Variants in POC1B observed in about 807,000 individuals in gnomAD.
POC1B encodes POC1 centriolar protein homolog B.
POC1B carries 44 observed loss-of-function variants against 60.6 expected under a neutral mutation model. That is an observed-to-expected ratio of 0.73 (90% confidence interval 0.57 to 0.93). POC1B has a LOEUF of 0.93. Ranked by LOEUF, POC1B falls within the 40% of genes least tolerant of loss-of-function variation. The pLI, the probability that POC1B is intolerant of heterozygous loss-of-function variation, is 0.00. For missense variants in POC1B, 555 were observed against 572.3 expected (o/e 0.97, Z 0.31); for synonymous variants, 180 against 198.9 (o/e 0.90, Z 0.80).
intron 11 of POC1B, among the ~76,000 whole-genome samples, chr12:89,423,246 G>A (rs765861362): frequency 1.3e-5 from 2 of 152,136 alleles, no homozygotes; most frequent in African/African-American, 2.4e-5. Flanking sequence ...TGGGCGAATC[G>A]CTTGAGCCCA....
At chr12:89,425,436 T>C in intron 10 of POC1B, 57 bp from the exon 11 acceptor site, 1 of 1,378,316 alleles carries the variant, frequency 7.3e-7, no homozygotes, top group Admixed American at 2.3e-5. Context: ...TAAAATGATA[T>C]ATATAAAAGT....
intron 3 of POC1B, among the ~76,000 whole-genome samples, chr12:89,494,215 T>A (rs999343554): frequency 7.1e-6 from 1 of 141,156 alleles, no homozygotes; most frequent in African/African-American, 2.5e-5. Context: ...AATTTTATTT[T>A]TTTATTTTTA....
intron 2 of POC1B, chr12:89,524,097 C>T: frequency 6.2e-7 from 1 of 1,613,974 alleles, no homozygotes. Flanking sequence ...TGGTACGGAG[C>T]AAAGTCGACC....
At chr12:89,456,046 A>T (rs567969136) in intron 10 of POC1B, among the ~76,000 whole-genome samples, 17 of 128,798 alleles carry the variant, frequency 1.3e-4, no homozygotes, top group East Asian at 2.5e-4. Context: ...GTTGTTGTTG[A>T]GATGGATGGA....
At chr12:89,476,763 C>T (rs11105296) in intron 4 of POC1B, among the ~76,000 whole-genome samples, 5,389 of 52,680 alleles carry the variant, frequency 0.1, 102 homozygotes, top group South Asian at 0.16. Context: ...GATAGATAGA[C>T]AGACAGACAG....
chr12:89,421,477 C>T (rs1880530403), intron 11 of POC1B, among the ~76,000 whole-genome samples: 1 of 152,056 alleles, frequency 6.6e-6, no homozygotes, highest in African/African-American at 2.4e-5. Context: ...AAGAAAAAAC[C>T]CAAACTGATG....
intron 2 of POC1B, among the ~76,000 whole-genome samples, chr12:89,512,317 G>C (rs191645181): frequency 5.9e-5 from 9 of 152,232 alleles, no homozygotes; most frequent in African/African-American, 1.7e-4. Flanking sequence ...AGGAGCTGTG[G>C]GTGCTTTAAA....
chr12:89,516,477 T>C (rs781204004), intron 2 of POC1B, among the ~76,000 whole-genome samples: 15 of 152,212 alleles, frequency 9.9e-5, no homozygotes, highest in Non-Finnish European at 2.2e-4. Flanking sequence ...GGTATTACTA[T>C]AATCCCCCTA....
At chr12:89,493,396 A>G (rs1869082027) in intron 3 of POC1B, among the ~76,000 whole-genome samples, 1 of 152,230 alleles carries the variant, frequency 6.6e-6, no homozygotes, top group African/African-American at 2.4e-5. Context: ...GTTGAATTCC[A>G]CTTGGAACAG....
At chr12:89,501,105 G>T in intron 2 of POC1B, 1 of 1,257,038 alleles carries the variant, frequency 8.0e-7, no homozygotes, top group Non-Finnish European at 1.2e-6. Context: ...CCATATCCCC[G>T]GCTGAGAGCA....
chr12:89,438,543 T>G (rs1881377794), intron 10 of POC1B, among the ~76,000 whole-genome samples: 1 of 152,236 alleles, frequency 6.6e-6, no homozygotes, highest in Non-Finnish European at 1.5e-5. Flanking sequence ...TTTTCAAACT[T>G]TCTCTGGACT....
At chr12:89,405,561 G>GA in the POC1B span, among the ~76,000 whole-genome samples, 3 of 151,928 alleles carry the variant, frequency 2.0e-5, no homozygotes, top group South Asian at 2.1e-4. Context: ...TTTAATATCT[G>GA]AAAAAAAGTA....
At chr12:89,478,365 C>T (rs143508572) in intron 4 of POC1B, among the ~76,000 whole-genome samples, 3,943 of 152,196 alleles carry the variant, frequency 0.026, 178 homozygotes, top group African/African-American at 0.091. Flanking sequence ...GTGATCCACC[C>T]GCCTCAGCCT....
chr12:89,523,346 T>C (rs1451497409), intron 2 of POC1B: 1 of 1,613,956 alleles, frequency 6.2e-7, no homozygotes, highest in Non-Finnish European at 8.5e-7. Flanking sequence ...GCTTCTTTTC[T>C]TGCTGGAGGG....
At chr12:89,511,281 C>G (rs1484905609) in intron 2 of POC1B, among the ~76,000 whole-genome samples, 1 of 151,700 alleles carries the variant, frequency 6.6e-6, no homozygotes, top group Non-Finnish European at 1.5e-5. Flanking sequence ...AAAAGTTAGC[C>G]AGGCACTGTG....
chr12:89,453,384 G>A (rs1206120249), intron 10 of POC1B, among the ~76,000 whole-genome samples: 1 of 152,080 alleles, frequency 6.6e-6, no homozygotes, highest in East Asian at 1.9e-4. Flanking sequence ...CACCAGCTAG[G>A]GAGTCCAGAG....
chr12:89,471,692 A>G lies in POC1B; in HGVS notation c.598T>C (p.Cys200Arg), dbSNP rs1475289526. 1.2e-6 allele frequency: 2 copies of G among 1,610,444 alleles called. No homozygotes were observed. Among genetic ancestry groups the G allele is most frequent in the East Asian group, 2.2e-5 (1 of 44,524 alleles). Reference protein sequence around the residue: ...NFVDFNPSGTCIASAGSDQTV... With the variant: ...NFVDFNPSGTRIASAGSDQTV... ...TGATCAGAACCTGCTGAAGCTATGC[A>G]TGTACCACTAGGGTTAAAGTCCACA... Residue 200 changes from cysteine (C) to arginine (R), a missense_variant, in exon 6 of 12, where the codon TGC (cysteine) becomes CGC (arginine). Transcript: ENST00000313546.
chr12:89,502,273 A>C, intron 2 of POC1B: 1 of 1,552,126 alleles, frequency 6.4e-7, no homozygotes, highest in South Asian at 1.1e-5. Flanking sequence ...GATACCAAAG[A>C]ACAGAATCCA....
chr12:89,424,686 T>G (rs1390871628), intron 11 of POC1B, among the ~76,000 whole-genome samples: 1 of 152,212 alleles, frequency 6.6e-6, no homozygotes, highest in Admixed American at 6.5e-5. Flanking sequence ...TTAAGATGCA[T>G]TGTATTTTTC....
Sources: gnomAD v4.1 joint callset for allele counts (sites outside exome capture counted in the v4.1 genomes callset) on GRCh38, gnomAD v4.1.1 for gene constraint, MANE v1.5 for transcripts, NCBI Gene and HGNC (gene_info 2026-07-23, HGNC 2026-07-21) for gene names.